LHFPL2: variants seen among roughly 807,000 people sequenced by gnomAD.
LHFPL2 encodes the protein LHFPL tetraspan subfamily member 2 protein.
A neutral mutation model predicts 17.5 loss-of-function variants in LHFPL2; 7 were observed. The ratio of observed to expected loss-of-function variants is 0.40; its 90% CI spans 0.23 to 0.75. The LOEUF is 0.75. Ranked by LOEUF, LHFPL2 falls within the 30% of genes least tolerant of loss-of-function variation. LHFPL2 has a pLI of 0.37. For missense variants in LHFPL2, 241 were observed against 294.8 expected (o/e 0.82, Z 1.34); for synonymous variants, 134 against 116.2 (o/e 1.15, Z -0.99).
intron 2 of LHFPL2, among the ~76,000 whole-genome samples, chr5:78,617,025 C>CT (rs564354550): frequency 1.7e-4 from 26 of 149,278 alleles, no homozygotes; most frequent in South Asian, 1.7e-3. Flanking sequence ...TAGAGTTTCT[C>CT]TTTTTTTTTT....
intron 1 of LHFPL2, among the ~76,000 whole-genome samples, chr5:78,635,541 G>A (rs1277862374): frequency 1.3e-5 from 2 of 152,242 alleles, no homozygotes; most frequent in African/African-American, 4.8e-5. Context: ...AGTGGCTTAC[G>A]CCTGTAATTC....
chr5:78,604,919 G>A (rs991732565), intron 2 of LHFPL2, among the ~76,000 whole-genome samples: 5 of 152,224 alleles, frequency 3.3e-5, no homozygotes, highest in African/African-American at 7.2e-5. Context: ...GATTAAAGAC[G>A]TGGTGAATTT....
In LHFPL2 at chr5:78,563,700, C is replaced by CAAA. The variant is rs1198192351; in HGVS notation, c.-186+1110_-186+1112dup. Among the ~76,000 whole-genome samples the CAAA allele has an allele frequency of 4.7e-3, 440 of 93,304 alleles. 5 individuals carry two copies. Among genetic ancestry groups the CAAA allele is most frequent in the African/African-American group, 0.014 (421 of 29,982 alleles). 61.2% of individuals were successfully genotyped at this position (93,304 alleles called of 152,430 possible). A position where few individuals can be genotyped will look rare whatever the true frequency, so the allele number is the denominator to read the frequency against. On this transcript the variant is annotated intron_variant, in intron 3 of 4. Transcript: ENST00000380345. Reference sequence around the variant, plus strand: ...TGGGTGATAGAGCCAGACTCCACTTCAAAAAAAAAAAAAAAAAGATTATCA... The same window carrying CAAA: ...TGGGTGATAGAGCCAGACTCCACTTCAAAAAAAAAAAAAAAAAAAAGATTATCA...
At chr5:78,496,126 T>G (rs1580743972) in intron 4 of LHFPL2, among the ~76,000 whole-genome samples, 1 of 152,308 alleles carries the variant, frequency 6.6e-6, no homozygotes, top group East Asian at 1.9e-4. Context: ...AAAAATTTAT[T>G]CAATAGCTGT....
intron 2 of LHFPL2, among the ~76,000 whole-genome samples, chr5:78,579,729 A>C (rs1014701753): frequency 3.3e-5 from 5 of 152,038 alleles, no homozygotes; most frequent in African/African-American, 9.7e-5. Flanking sequence ...CATTTTCTTA[A>C]TCCAGTCTTA....
chr5:78,557,997 AG>A, intron 3 of LHFPL2, among the ~76,000 whole-genome samples: 1 of 152,260 alleles, frequency 6.6e-6, no homozygotes, highest in Non-Finnish European at 1.5e-5. Flanking sequence ...CCAAGAGAAT[AG>A]AGATTAAATC....
chr5:78,518,534 A>G (rs1030933889), intron 3 of LHFPL2, among the ~76,000 whole-genome samples: 2 of 152,202 alleles, frequency 1.3e-5, no homozygotes, highest in African/African-American at 4.8e-5. Flanking sequence ...AGGGATGCAC[A>G]CTCCTCAGGG....
chr5:78,537,026 G>C (rs1234229567), intron 3 of LHFPL2, among the ~76,000 whole-genome samples: 4 of 152,162 alleles, frequency 2.6e-5, no homozygotes, highest in Non-Finnish European at 4.4e-5. Flanking sequence ...TGGCACCTAG[G>C]AGCTTGTGAG....
Position 78,541,814 on chromosome 5 carries a change from G to A in LHFPL2, c.-186+22999C>T, listed in dbSNP as rs115537789. Among the ~76,000 whole-genome samples, 1,187 of 152,326 alleles carry A rather than the reference G, an allele frequency of 7.8e-3. 13 individuals carry two copies. The highest frequency in any genetic ancestry group is 0.025 in the African/African-American group (1,052 of 41,558). ...TGGCAGGAAAATGGTCATAAGTAAAGCAGCCTTGGAGTGCCTGCGACCTGA... is the reference window on the plus strand; with the variant it reads ...TGGCAGGAAAATGGTCATAAGTAAAACAGCCTTGGAGTGCCTGCGACCTGA... On this transcript the variant is annotated intron_variant, in intron 3 of 4. Transcript: ENST00000380345.
intron 2 of LHFPL2, among the ~76,000 whole-genome samples, chr5:78,611,485 T>C (rs28660517): frequency 0.43 from 64,633 of 151,986 alleles, 13,875 homozygotes; most frequent in Middle Eastern, 0.49. Flanking sequence ...GCTCAGCCCC[T>C]GGCCCCAGGA....
At chr5:78,489,470 G>A (rs1451726966) in intron 4 of LHFPL2, among the ~76,000 whole-genome samples, 1 of 152,168 alleles carries the variant, frequency 6.6e-6, no homozygotes, top group African/African-American at 2.4e-5. Context: ...CAGTGGTGCA[G>A]TTGTAGCTCA....
intron 2 of LHFPL2, among the ~76,000 whole-genome samples, chr5:78,598,732 T>C (rs752254437): frequency 3.9e-5 from 6 of 152,188 alleles, no homozygotes; most frequent in Non-Finnish European, 7.3e-5. Context: ...TGTTTCCTTC[T>C]GATAGAGAAA....
intron 1 of LHFPL2, chr5:78,644,541 G>A: frequency 1.8e-6 from 1 of 556,466 alleles, no homozygotes; most frequent in Non-Finnish European, 3.3e-6. Context: ...AATAGAACAA[G>A]AAAAAGGCCA....
At chr5:78,556,651 G>C (rs563003453) in intron 3 of LHFPL2, among the ~76,000 whole-genome samples, 8 of 152,038 alleles carry the variant, frequency 5.3e-5, no homozygotes, top group Admixed American at 4.6e-4. Flanking sequence ...AGGTTAAAAT[G>C]GTTTAAGATA....
intron 1 of LHFPL2, among the ~76,000 whole-genome samples, chr5:78,641,109 TGAA>T (rs1312578088): frequency 6.6e-6 from 1 of 152,194 alleles, no homozygotes; most frequent in East Asian, 1.9e-4. Context: ...CAGTTGGAGA[TGAA>T]GACCTGGGAA....
chr5:78,610,098 G>A (rs1561363905), intron 2 of LHFPL2, among the ~76,000 whole-genome samples: 1 of 152,162 alleles, frequency 6.6e-6, no homozygotes, highest in East Asian at 1.9e-4. Context: ...AGATGAGCTG[G>A]GCATAGCTAG....
At chr5:78,552,369 G>C (rs978199124) in intron 3 of LHFPL2, among the ~76,000 whole-genome samples, 1 of 152,128 alleles carries the variant, frequency 6.6e-6, no homozygotes, top group Non-Finnish European at 1.5e-5. Context: ...TCCTGACCTC[G>C]TGATCCACCT....
intron 2 of LHFPL2, among the ~76,000 whole-genome samples, chr5:78,598,099 C>T (rs1580845293): frequency 1.3e-5 from 2 of 152,214 alleles, no homozygotes; most frequent in Non-Finnish European, 2.9e-5. Context: ...CCTGGGTTCC[C>T]ACCCCATGTG....
chr5:78,502,803 C>G (rs1754812939), intron 4 of LHFPL2, among the ~76,000 whole-genome samples: 1 of 152,232 alleles, frequency 6.6e-6, no homozygotes, highest in Non-Finnish European at 1.5e-5. Context: ...CTACAGCAAA[C>G]CAGGTGCTGT....
Sources: gnomAD v4.1 joint callset for allele counts (sites outside exome capture counted in the v4.1 genomes callset) on GRCh38, gnomAD v4.1.1 for gene constraint, MANE v1.5 for transcripts, NCBI Gene and HGNC (gene_info 2026-07-23, HGNC 2026-07-21) for gene names.